The following PRAC2 variants were observed in gnomAD, a reference collection of about 807,000 sequenced individuals.
PRAC2 encodes the protein protein PRAC2.
For synonymous variants in PRAC2, 43 were observed against 49.5 expected (o/e 0.87, Z 0.55); for missense variants, 92 against 114.5 (o/e 0.80, Z 0.90).
At position 48,724,735 on chromosome 17, in the gene PRAC2, G is replaced by C. The variant is rs1000832817; in HGVS notation, c.*52G>C. 4 of 956,432 alleles carry C rather than the reference G, an allele frequency of 4.2e-6. No individual in the cohort carries two copies. Among genetic ancestry groups the C allele is most frequent in the East Asian group, 3.3e-5 (1 of 30,372 alleles). The allele number at this position is 956,432 out of a possible 1,614,324, so 59.2% of individuals were successfully genotyped here. ...TCTTTTTAATGGTCCTAACACACCA[G>C]TGGAATAAATCTCTAAGATTCCACA... On this transcript the variant is annotated 3_prime_UTR_variant, in exon 2 of 2. Transcript: ENST00000422730.
At position 48,724,696 on chromosome 17, in the gene PRAC2, A is replaced by AG. The variant is rs1404030942; in HGVS notation, c.*18dup. 2 of 1,223,702 alleles carry AG rather than the reference A, an allele frequency of 1.6e-6. No individual in the cohort carries two copies. Among genetic ancestry groups the AG allele is most frequent in the African/African-American group, 3.1e-5 (2 of 64,220 alleles). 75.8% of individuals were successfully genotyped at this position (1,223,702 alleles called of 1,614,324 possible). On this transcript the variant is annotated 3_prime_UTR_variant, in exon 2 of 2. Coordinates refer to ENST00000422730, the MANE Select transcript of PRAC2 (RefSeq NM_001282275.2). Reference sequence around the variant, plus strand: ...CCTGGAGTGGTGAGCCTCTGTCGGAAGGGGGCGCCCACGTCTTTTTAATGG... The same window carrying AG: ...CCTGGAGTGGTGAGCCTCTGTCGGAAGGGGGGCGCCCACGTCTTTTTAATGG...
chr17:48,722,170 G>T, upstream of PRAC2: 1 of 729,086 alleles, frequency 1.4e-6, no homozygotes. Flanking sequence ...AGGTGGTATC[G>T]GTGAAAGCCT....
upstream of PRAC2, chr17:48,722,394 G>T (rs370875142): frequency 6.2e-7 from 1 of 1,613,838 alleles, no homozygotes; most frequent in African/African-American, 1.3e-5. Flanking sequence ...GCACAACATC[G>T]CTGTTCTCTC....
In PRAC2 at chr17:48,724,116, G is replaced by A. The variant is rs145679376; in HGVS notation, c.-83-212G>A. Among the ~76,000 whole-genome samples, 1,287 of 152,328 alleles carry A rather than the reference G, an allele frequency of 8.4e-3. 59 individuals carry two copies. The highest frequency in any genetic ancestry group is 0.064 in the Admixed American group (985 of 15,300). ...GTTCACACGTTTGTCCGAATGGTAA[G>A]CAAAACATTTCCTCCTGTAGCTTAA... On this transcript the variant is annotated intron_variant, in intron 1 of 1. Transcript: ENST00000422730.
At position 48,724,369 on chromosome 17, in the gene PRAC2, G is replaced by A. The variant is rs1010319713; in HGVS notation, c.-42G>A. 7.5e-5 allele frequency: 92 copies of A among 1,234,176 alleles called. No individual in the cohort carries two copies. The highest frequency in any genetic ancestry group is 2.1e-4 in the Middle Eastern group (1 of 4,862). The allele number at this position is 1,234,176 out of a possible 1,614,324, so 76.5% of individuals were successfully genotyped here. A position where few individuals can be genotyped will look rare whatever the true frequency, so the allele number is the denominator to read the frequency against. On this transcript the variant is annotated 5_prime_UTR_variant, in exon 2 of 2. Coordinates refer to ENST00000422730, the MANE Select transcript of PRAC2 (RefSeq NM_001282275.2). ...TCCGAAAAAAAGTGTGTGTGGGGGGGTCCACACCACTAATTATTATGGCGA... is the reference window on the plus strand; with the variant it reads ...TCCGAAAAAAAGTGTGTGTGGGGGGATCCACACCACTAATTATTATGGCGA...
upstream of PRAC2, among the ~76,000 whole-genome samples, chr17:48,720,740 C>T (rs1215719773): frequency 1.3e-5 from 2 of 152,138 alleles, no homozygotes; most frequent in Non-Finnish European, 2.9e-5. Flanking sequence ...CCCCTGTTTG[C>T]ATATATGCAG....
Position 48,724,708 on chromosome 17 carries a change from C to G in PRAC2, c.*25C>G, listed in dbSNP as rs965263972. On this transcript the variant is annotated 3_prime_UTR_variant, in exon 2 of 2. Transcript: ENST00000422730. The stretch of plus-strand genomic sequence containing the variant: ...AGCCTCTGTCGGAAGGGGGCGCCCA[C>G]GTCTTTTTAATGGTCCTAACACACC... The G allele has an allele frequency of 3.3e-6, 4 of 1,195,072 alleles. No individual in the cohort carries two copies. Among genetic ancestry groups the G allele is most frequent in the East Asian group, 6.3e-5 (2 of 31,498 alleles). The allele number at this position is 1,195,072 out of a possible 1,614,324, so 74.0% of individuals were successfully genotyped here.
upstream of PRAC2, among the ~76,000 whole-genome samples, chr17:48,720,679 A>G (rs752528142): frequency 2.9e-4 from 44 of 152,162 alleles, no homozygotes; most frequent in Non-Finnish European, 4.1e-4. Context: ...AAGATTTTGC[A>G]TACTCAATTA....
At chr17:48,719,807 C>G (rs1475323606), upstream of PRAC2, among the ~76,000 whole-genome samples, 2 of 152,160 alleles carry the variant, frequency 1.3e-5, no homozygotes, top group African/African-American at 4.8e-5. Flanking sequence ...CGGGTGTTCC[C>G]CGGAAGGCAA....
At chr17:48,719,722 A>C (rs1020781082), upstream of PRAC2, among the ~76,000 whole-genome samples, 2 of 152,234 alleles carry the variant, frequency 1.3e-5, no homozygotes, top group African/African-American at 4.8e-5. Flanking sequence ...AAGTTACACC[A>C]TGTCGATCCC....
chr17:48,722,095 C>A (rs1320423656), upstream of PRAC2, among the ~76,000 whole-genome samples: 1 of 152,162 alleles, frequency 6.6e-6, no homozygotes, highest in Non-Finnish European at 1.5e-5. Context: ...GAAACATTTT[C>A]TTTGTCCCTT....
upstream of PRAC2, chr17:48,722,574 TAAG>T (rs2143044480): frequency 1.7e-6 from 1 of 591,066 alleles, no homozygotes; most frequent in East Asian, 2.9e-5. Flanking sequence ...CGGGGCTCAG[TAAG>T]AAGGCCTGCG....
upstream of PRAC2, among the ~76,000 whole-genome samples, chr17:48,720,049 G>T (rs1424571713): frequency 6.6e-6 from 1 of 152,158 alleles, no homozygotes; most frequent in Non-Finnish European, 1.5e-5. Context: ...GGTCTCGGGC[G>T]GGGGCGACGG....
chr17:48,722,711 T>C (rs2038158815), upstream of PRAC2, among the ~76,000 whole-genome samples: 1 of 152,002 alleles, frequency 6.6e-6, no homozygotes, highest in African/African-American at 2.4e-5. Flanking sequence ...CTGTGGCCCT[T>C]CCTCCCCTGA....
upstream of PRAC2, among the ~76,000 whole-genome samples, chr17:48,722,125 G>A (rs1243555078): frequency 6.6e-6 from 1 of 151,948 alleles, no homozygotes; most frequent in Admixed American, 6.6e-5. Context: ...GGCGGCTGCC[G>A]GTCTCTCCAG....
At chr17:48,719,979 C>T (rs1233707215), upstream of PRAC2, among the ~76,000 whole-genome samples, 1 of 152,166 alleles carries the variant, frequency 6.6e-6, no homozygotes, top group Non-Finnish European at 1.5e-5. Flanking sequence ...ATGACAAAAA[C>T]CTGCCTGGAA....
chr17:48,723,699 C>T, intron 1 of PRAC2: 4 of 1,231,712 alleles, frequency 3.2e-6, no homozygotes, highest in Non-Finnish European at 4.0e-6. Context: ...GAGTAAAACC[C>T]GAAAGATGGA....
chr17:48,722,191 C>A, upstream of PRAC2: 1 of 821,516 alleles, frequency 1.2e-6, no homozygotes, highest in South Asian at 1.7e-5. Context: ...GCTGCTCACC[C>A]TTCCCTTGTT....
chr17:48,720,433 G>A (rs2038134435), upstream of PRAC2, among the ~76,000 whole-genome samples: 1 of 152,174 alleles, frequency 6.6e-6, no homozygotes, highest in Non-Finnish European at 1.5e-5. Context: ...CTTCTCCAGG[G>A]AAGACTCCCA....
Sources: allele counts gnomAD v4.1 joint callset (sites outside exome capture counted in the v4.1 genomes callset), GRCh38; gene constraint gnomAD v4.1.1; transcripts MANE v1.5; gene names NCBI Gene and HGNC (gene_info 2026-07-23, HGNC 2026-07-21).